MOXD1: variants seen among roughly 807,000 people sequenced by gnomAD.
The protein encoded by MOXD1 is monooxygenase DBH like 1.
A neutral mutation model predicts 66.6 loss-of-function variants in MOXD1; 62 were observed. The ratio of observed to expected loss-of-function variants is 0.93; its 90% CI spans 0.76 to 1.15. MOXD1 has a LOEUF of 1.15. Ranked by LOEUF, MOXD1 falls within the 50% of genes most tolerant of loss-of-function variation. The probability of loss-of-function intolerance (pLI) is 0.00; values close to 1 mark genes in which losing one functional copy is unlikely to be tolerated. For missense variants in MOXD1, 847 were observed against 754.6 expected (o/e 1.12, Z -1.44); for synonymous variants, 303 against 281.9 (o/e 1.07, Z -0.75).
intron 4 of MOXD1, among the ~76,000 whole-genome samples, chr6:132,349,011 C>A (rs1249551420): frequency 6.6e-6 from 1 of 151,554 alleles, no homozygotes; most frequent in Non-Finnish European, 1.5e-5. Flanking sequence ...GTTACGGGGG[C>A]ACAGGTAGTA....
Position 132,322,761 on chromosome 6 carries a change from A to C in MOXD1, c.1223T>G (p.Met408Arg). ...RLRHFRKGKEMKLLAYDDDFD... is the reference protein window; with the variant it reads ...RLRHFRKGKERKLLAYDDDFD... ...ATCATCATCATAGGCAAGTAATTTC[A>C]TTTCCTTCCCTTTTCGAAAATGACG... The change falls in exon 8 of 12, where the codon ATG becomes AGG. Residue 408 changes from methionine to arginine, a missense_variant. By Grantham distance (91) the Met-to-Arg change is moderately conservative. Coordinates refer to ENST00000367963, the MANE Select transcript of MOXD1 (RefSeq NM_015529.4). 1 of 1,614,132 alleles carries C rather than the reference A, an allele frequency of 6.2e-7. No individual in the cohort carries two copies. Among genetic ancestry groups the C allele is most frequent in the African/African-American group, 1.3e-5 (1 of 75,044 alleles).
intron 1 of MOXD1, among the ~76,000 whole-genome samples, chr6:132,392,548 A>G (rs1776789371): frequency 6.6e-6 from 1 of 152,200 alleles, no homozygotes; most frequent in Non-Finnish European, 1.5e-5. Flanking sequence ...CAAGGAAAGG[A>G]CATGAATCCA....
At chr6:132,343,164 G>C (rs1216591975) in intron 4 of MOXD1, among the ~76,000 whole-genome samples, 1 of 152,144 alleles carries the variant, frequency 6.6e-6, no homozygotes, top group Non-Finnish European at 1.5e-5. Flanking sequence ...CAAAATAATG[G>C]AGAAATTATT....
At chr6:132,338,061 A>AAT (rs978530519) in intron 4 of MOXD1, among the ~76,000 whole-genome samples, 6 of 152,206 alleles carry the variant, frequency 3.9e-5, no homozygotes, top group South Asian at 2.1e-4. Flanking sequence ...AGACTAGATG[A>AAT]ATATATATAT....
intron 1 of MOXD1, among the ~76,000 whole-genome samples, chr6:132,377,306 A>C (rs1466407878): frequency 6.6e-6 from 1 of 152,238 alleles, no homozygotes; most frequent in Admixed American, 6.5e-5. Flanking sequence ...CAATGTCTGT[A>C]GACAATGAGA....
Position 132,327,626 on chromosome 6 carries a change from T to G in MOXD1, c.946+387A>C, listed in dbSNP as rs138647772. 3.0e-3 allele frequency among the ~76,000 whole-genome samples: 453 copies of G among 152,320 alleles called. 3 individuals carry two copies. The highest frequency in any genetic ancestry group is 0.027 in the Middle Eastern group (8 of 294). On this transcript the variant is annotated intron_variant, in intron 6 of 11. Coordinates refer to ENST00000367963, the MANE Select transcript of MOXD1 (RefSeq NM_015529.4). ...TTACCACACAACAAAATGCTTACAC[T>G]TTTTAGTATAATAAATGGTAACTTT...
chr6:132,388,533 C>G (rs1387729947), intron 1 of MOXD1, among the ~76,000 whole-genome samples: 2 of 151,404 alleles, frequency 1.3e-5, no homozygotes, highest in Non-Finnish European at 3.0e-5. Flanking sequence ...TAATAAGATA[C>G]TAATTATCCA....
chr6:132,320,817 A>C, intron 8 of MOXD1, 129 bp from the exon 9 acceptor site: 2 of 678,448 alleles, frequency 2.9e-6, no homozygotes. Flanking sequence ...TCAGCAGAAG[A>C]CCCCTGATCT....
In MOXD1 at chr6:132,392,448, G is replaced by A. The variant is rs548841297; in HGVS notation, c.264+8715C>T. On this transcript the variant is annotated intron_variant, in intron 1 of 11. Coordinates refer to ENST00000367963, the MANE Select transcript of MOXD1 (RefSeq NM_015529.4). ...AATTCACACAAACTCAGCATTCATC[G>A]GCTGCATTACTTGCCTCAAATGGGC... 339 of 1,253,540 alleles carry A rather than the reference G, an allele frequency of 2.7e-4. No homozygotes were observed. In the African/African-American group the frequency reaches 3.0e-3, roughly 11 times the overall value. The allele number at this position is 1,253,540 out of a possible 1,614,324, so 77.7% of individuals were successfully genotyped here.
chr6:132,397,636 CAGAAAGAAAGAAAGAAAGAAAGAAAGAA>C lies in MOXD1; in HGVS notation c.264+3499_264+3526del, dbSNP rs71759740. Among the ~76,000 whole-genome samples, 57 of 122,388 alleles carry C rather than the reference CAGAAAGAAAGAAAGAAAGAAAGAAAGAA, an allele frequency of 4.7e-4. No individual in the cohort carries two copies. In the East Asian group the frequency reaches 7.9e-3, roughly 17 times the overall value. The allele number at this position is 122,388 out of a possible 152,430, so 80.3% of individuals were successfully genotyped here. A position where few individuals can be genotyped will look rare whatever the true frequency, so the allele number is the denominator to read the frequency against. The stretch of plus-strand genomic sequence containing the variant: ...ACAGAGAGAGAGAGAGAGAGAGAGA[CAGAAAGAAAGAAAGAAAGAAAGAAAGAA>C]AGAAAGAAAGAAAGAAAGAAAGAAA... On this transcript the variant is annotated intron_variant, in intron 1 of 11. Transcript: ENST00000367963.
At chr6:132,379,174 A>T (rs1776459775) in intron 1 of MOXD1, among the ~76,000 whole-genome samples, 1 of 152,090 alleles carries the variant, frequency 6.6e-6, no homozygotes, top group Non-Finnish European at 1.5e-5. Context: ...TAAAAAAAGA[A>T]TAATATAGCA....
intron 1 of MOXD1, among the ~76,000 whole-genome samples, chr6:132,395,919 A>T (rs1240790500): frequency 6.6e-6 from 1 of 152,192 alleles, no homozygotes; most frequent in African/African-American, 2.4e-5. Flanking sequence ...ATCTAAAGGG[A>T]GTGATAGACT....
intron 4 of MOXD1, among the ~76,000 whole-genome samples, chr6:132,341,760 T>G (rs1174162650): frequency 1.3e-5 from 2 of 152,230 alleles, no homozygotes; most frequent in African/African-American, 2.4e-5. Context: ...CTTTGCTTAT[T>G]TAAATCCTAT....
chr6:132,369,962 T>C (rs1188609021), intron 4 of MOXD1, among the ~76,000 whole-genome samples: 1 of 152,150 alleles, frequency 6.6e-6, no homozygotes, highest in Admixed American at 6.6e-5. Flanking sequence ...AAATTCTTTG[T>C]GCGAATTAGA....
chr6:132,323,915 C>A lies in MOXD1; in HGVS notation c.1113+16G>T. 6.3e-7 allele frequency: 1 copy of A among 1,584,908 alleles called. No homozygotes were observed. The highest frequency in any genetic ancestry group is 1.4e-5 in the African/African-American group (1 of 73,292). ...ATGAATCTGCAGAGAGCAGCTCAGA[C>A]TCAGATGCTGCATACCTCTTCCAGG... On this transcript the variant is annotated intron_variant, in intron 7 of 11. Coordinates refer to ENST00000367963, the MANE Select transcript of MOXD1 (RefSeq NM_015529.4).
intron 1 of MOXD1, among the ~76,000 whole-genome samples, chr6:132,393,999 C>T (rs1475229896): frequency 6.6e-6 from 1 of 152,192 alleles, no homozygotes; most frequent in African/African-American, 2.4e-5. Flanking sequence ...AGCATACCTG[C>T]TACCCAGAAG....
rs1333123087 is a variant in MOXD1 at position 132,376,639 on chromosome 6, A to G, written c.265-1862T>C. ...CGCCATTCTCCTGCCTCAGCCTCCC[A>G]AGTAGCTGGGACTACAGGCGCCCGC... On this transcript the variant is annotated intron_variant, in intron 1 of 11. Coordinates refer to ENST00000367963, the MANE Select transcript of MOXD1 (RefSeq NM_015529.4). Among the ~76,000 whole-genome samples the G allele has an allele frequency of 2.2e-5, 2 of 92,512 alleles. 1 individual carries two copies. Among genetic ancestry groups the G allele is most frequent in the East Asian group, 1.0e-3 (2 of 1,920 alleles). The allele number at this position is 92,512 out of a possible 152,430, so 60.7% of individuals were successfully genotyped here.
chr6:132,387,411 G>T (rs781406278), intron 1 of MOXD1, among the ~76,000 whole-genome samples: 2 of 150,856 alleles, frequency 1.3e-5, no homozygotes, highest in Non-Finnish European at 3.0e-5. Context: ...TAAGAATATC[G>T]CTATCTTTTA....
At chr6:132,389,591 G>A (rs1426371259) in intron 1 of MOXD1, among the ~76,000 whole-genome samples, 4 of 151,516 alleles carry the variant, frequency 2.6e-5, no homozygotes. Flanking sequence ...GGTTGCCTGG[G>A]CACTGGAATT....
Sources: allele counts gnomAD v4.1 joint callset (sites outside exome capture counted in the v4.1 genomes callset), GRCh38; gene constraint gnomAD v4.1.1; transcripts MANE v1.5; gene names NCBI Gene and HGNC (gene_info 2026-07-23, HGNC 2026-07-21).